ZNF653: variants seen among roughly 807,000 people sequenced by gnomAD.
The protein encoded by ZNF653 is zinc finger protein 653.
Under a neutral mutation model 59.9 loss-of-function variants are expected in ZNF653, and 37 were observed. That is an observed-to-expected ratio of 0.62 (90% CI 0.48 to 0.81). ZNF653 has a LOEUF of 0.81. Ranked by LOEUF, ZNF653 falls within the 40% of genes least tolerant of loss-of-function variation. ZNF653 has a pLI of 0.00. For missense variants in ZNF653, 808 were observed against 881.1 expected (o/e 0.92, Z 1.05); for synonymous variants, 435 against 371.8 (o/e 1.17, Z -1.96).
At position 11,487,027 on chromosome 19, in the gene ZNF653, T is replaced by C. The variant is rs777703595; in HGVS notation, c.1303A>G (p.Met435Val). 1.1e-5 allele frequency: 18 copies of C among 1,614,006 alleles called. No individual in the cohort carries two copies. The highest frequency in any genetic ancestry group is 1.3e-5 in the Non-Finnish European group (15 of 1,179,990). ...ADGEELDGSD[M>V]SAIIYEIPKE... ...GGGATTTCATAGATGATGGCTGACATGTCGCTGCCGTCCAGCTCCTCCCCG... is the reference window on the plus strand; with the variant it reads ...GGGATTTCATAGATGATGGCTGACACGTCGCTGCCGTCCAGCTCCTCCCCG... The change falls in exon 5 of 9, where the codon ATG becomes GTG. Residue 435 changes from methionine (M) to valine (V), a missense_variant. Physicochemically the swap from Met to Val is conservative, Grantham distance 21 (BLOSUM62 1). Coordinates refer to ENST00000293771, the MANE Select transcript of ZNF653 (RefSeq NM_138783.4). The surrounding 1 kb of genome is among the most constrained non-coding windows in gnomAD (Gnocchi z 5.1).
At chr19:11,489,929 T>C (rs756298617) in intron 3 of ZNF653, among the ~76,000 whole-genome samples, 13 of 152,186 alleles carry the variant, frequency 8.5e-5, no homozygotes, top group African/African-American at 1.7e-4. Flanking sequence ...CCCAGGCTAA[T>C]GGGGTTAAAG....
At position 11,505,531 on chromosome 19, in the gene ZNF653, A is replaced by G. The variant is rs756705153; in HGVS notation, c.256T>C (p.Tyr86His). The G allele has an allele frequency of 2.2e-4, 335 of 1,515,320 alleles. No individual in the cohort carries two copies. The highest frequency in any genetic ancestry group is 2.8e-4 in the Non-Finnish European group (322 of 1,143,774). The allele number at this position is 1,515,320 out of a possible 1,614,324, so 93.9% of individuals were successfully genotyped here. ...TGGCCGCGCTCCAGAGAGATGAGGT[A>G]GGCGGCGAGCTTGGCGTCGCTCCAG... is the stretch of plus-strand genomic sequence containing the variant. ...SGWSDAKLAA[Y>H]LISLERGQRS... The change falls in exon 1 of 9, where the codon TAC (tyrosine) becomes CAC (histidine). Residue 86 changes from tyrosine (Y) to histidine (H), a missense_variant. Physicochemically the swap from Tyr to His is moderately conservative, Grantham distance 83. Transcript: ENST00000293771.
In ZNF653 at chr19:11,498,674, C is replaced by T. The variant is rs551983859; in HGVS notation, c.300-335G>A. Among the ~76,000 whole-genome samples, 11 of 152,206 alleles carry T rather than the reference C, an allele frequency of 7.2e-5. No individual in the cohort carries two copies. In the South Asian group the frequency reaches 2.3e-3, roughly 32 times the overall value. ...GGCCAGGCTGGTCTCGAACTCCTGA[C>T]CTCAGGTGATCCGCCCACCTCAGCC... On this transcript the variant is annotated intron_variant, in intron 1 of 8. Transcript: ENST00000293771.
At chr19:11,496,502 G>A (rs7508575) in intron 2 of ZNF653, among the ~76,000 whole-genome samples, 12,142 of 152,076 alleles carry the variant, frequency 0.08, 787 homozygotes, top group African/African-American at 0.18. Context: ...CCAGGCTCCC[G>A]CCCTAACCAC....
rs752413444 is a variant in ZNF653 at position 11,496,086 on chromosome 19, C to T, written c.423G>A (p.Pro141=). Residue 141 remains proline (P), a synonymous_variant, in exon 3 of 9, where the codon CCG becomes CCA. Transcript: ENST00000293771. Reference sequence around the variant, plus strand: ...AAGTGGGGTCTAGCTCCGCCAGGTGCGGCTCGTACGGGCAGCGGTGCTTGT... The same window carrying T: ...AAGTGGGGTCTAGCTCCGCCAGGTGTGGCTCGTACGGGCAGCGGTGCTTGT... ...EDHKHRCPYE[P]HLAELDPTFG... is the part of the protein sequence containing the mutation. The T allele has an allele frequency of 3.1e-6, 5 of 1,613,992 alleles. No individual in the cohort carries two copies. Among genetic ancestry groups the T allele is most frequent in the Non-Finnish European group, 2.5e-6 (3 of 1,180,020 alleles).
Position 11,486,856 on chromosome 19 carries a change from C to A in ZNF653, c.1368G>T (p.Arg456=). ...PEKRRRSKRS[R]VMDADGLLEM... is the part of the protein sequence containing the mutation. ...CGAGCAGGCCGTCAGCATCCATCACCCGCGACCGCTTGCTCCGCCGCCTCC... is the reference window on the plus strand; with the variant it reads ...CGAGCAGGCCGTCAGCATCCATCACACGCGACCGCTTGCTCCGCCGCCTCC... Residue 456 remains arginine (R), a synonymous_variant, in exon 6 of 9, where the codon CGG becomes CGT. Coordinates refer to ENST00000293771, the MANE Select transcript of ZNF653 (RefSeq NM_138783.4). 1 of 1,611,442 alleles carries A rather than the reference C, an allele frequency of 6.2e-7. No individual in the cohort carries two copies. The highest frequency in any genetic ancestry group is 2.2e-5 in the East Asian group (1 of 44,620).
chr19:11,503,477 G>T (rs1971668495), intron 1 of ZNF653, among the ~76,000 whole-genome samples: 1 of 152,096 alleles, frequency 6.6e-6, no homozygotes, highest in South Asian at 2.1e-4. Flanking sequence ...TATCTCTCAT[G>T]GACGATACAA....
In ZNF653 at chr19:11,483,826, G is replaced by C; in HGVS notation, c.1704C>G (p.Arg568=). ...TCTTCATGTGCCAGTTGAGCGACGC[G>C]CGCTGCCGGCACTGGTAGCCACAGA... is the stretch of plus-strand genomic sequence containing the variant. ...CEICGYQCRQ[R]ASLNWHMKKH... is the part of the protein sequence containing the mutation. The change falls in exon 9 of 9, where the codon CGC becomes CGG. Residue 568 remains arginine, a synonymous_variant. Coordinates refer to ENST00000293771, the MANE Select transcript of ZNF653 (RefSeq NM_138783.4). 2.5e-6 allele frequency: 4 copies of C among 1,605,910 alleles called. No individual in the cohort carries two copies. Among genetic ancestry groups the C allele is most frequent in the Non-Finnish European group, 3.4e-6 (4 of 1,177,386 alleles).
At chr19:11,504,004 C>G (rs1461169866) in intron 1 of ZNF653, among the ~76,000 whole-genome samples, 1 of 152,056 alleles carries the variant, frequency 6.6e-6, no homozygotes, top group Admixed American at 6.6e-5. Flanking sequence ...ACTCAGGAGG[C>G]GGAGGTAAGA....
rs373903409 is a variant in ZNF653 at position 11,483,516 on chromosome 19, G to A, written c.*166C>T. 18 of 1,402,830 alleles carry A rather than the reference G, an allele frequency of 1.3e-5. No homozygotes were observed. The highest frequency in any genetic ancestry group is 1.1e-4 in the East Asian group (4 of 36,764). 86.9% of individuals were successfully genotyped at this position (1,402,830 alleles called of 1,614,324 possible). ...GCACCAGCTCCGAGAAGGATGCGGT[G>A]GGGCGGGGTGGGGAACCTGCCCAGG... On this transcript the variant is annotated 3_prime_UTR_variant, in exon 9 of 9. Transcript: ENST00000293771.
rs550180667 is a variant in ZNF653 at position 11,488,439 on chromosome 19, C to T, written c.560-536G>A. ...ACAGGTGTGAGCCACCGCGCCTGGCCCACACCCGGCTAATTTTTGTATTTT... is the reference window on the plus strand; with the variant it reads ...ACAGGTGTGAGCCACCGCGCCTGGCTCACACCCGGCTAATTTTTGTATTTT... On this transcript the variant is annotated intron_variant, in intron 3 of 8. Coordinates refer to ENST00000293771, the MANE Select transcript of ZNF653 (RefSeq NM_138783.4). 4.6e-5 allele frequency among the ~76,000 whole-genome samples: 7 copies of T among 151,558 alleles called. No individual in the cohort carries two copies. The East Asian group carries it at 1.4e-3, about 30-fold the overall frequency.
chr19:11,500,525 G>C (rs1370821001), intron 1 of ZNF653, among the ~76,000 whole-genome samples: 1 of 152,146 alleles, frequency 6.6e-6, no homozygotes, highest in East Asian at 1.9e-4. Flanking sequence ...GTAGAGACAG[G>C]ATTTCGCTAT....
At chr19:11,491,814 T>C (rs1433293892) in intron 3 of ZNF653, among the ~76,000 whole-genome samples, 1 of 151,976 alleles carries the variant, frequency 6.6e-6, no homozygotes. Context: ...CCTGACCTCA[T>C]GATCCGCCCA....
In ZNF653 at chr19:11,487,128, T is replaced by C. The variant is rs746859617; in HGVS notation, c.1202A>G (p.Glu401Gly). The change falls in exon 5 of 9, where the codon GAG (glutamate) becomes GGG (glycine). Residue 401 changes from glutamate to glycine, a missense_variant. Transcript: ENST00000293771. This position sits in a 1 kb window ranked among gnomAD's most constrained non-coding sequence, Gnocchi z 5.1. Reference sequence around the variant, plus strand: ...CGGGGCTACTGGCTCCTCCTTCTCCTCCTTCTTTAGCAAGCACAGGTCCTC... The same window carrying C: ...CGGGGCTACTGGCTCCTCCTTCTCCCCCTTCTTTAGCAAGCACAGGTCCTC... The part of the protein sequence containing the change: ...EKEDLCLLKK[E>G]EKEEPVAPEL... 2 of 1,612,682 alleles carry C rather than the reference T, an allele frequency of 1.2e-6. No homozygotes were observed. Among genetic ancestry groups the C allele is most frequent in the Admixed American group, 3.3e-5 (2 of 60,022 alleles).
chr19:11,503,632 C>A (rs916291773), intron 1 of ZNF653, among the ~76,000 whole-genome samples: 3 of 151,632 alleles, frequency 2.0e-5, no homozygotes, highest in Non-Finnish European at 4.4e-5. Context: ...CATGGCGAGA[C>A]CCCCATCTCC....
rs1458585640 is a variant in ZNF653 at position 11,501,025 on chromosome 19, G to A, written c.300-2686C>T. 2.6e-5 allele frequency among the ~76,000 whole-genome samples: 4 copies of A among 152,098 alleles called. No homozygotes were observed. The South Asian group carries it at 8.3e-4, about 32-fold the overall frequency. On this transcript the variant is annotated intron_variant, in intron 1 of 8. Coordinates refer to ENST00000293771, the MANE Select transcript of ZNF653 (RefSeq NM_138783.4). ...CACTGGCATCAAGGACCACAGCTCC[G>A]GGGCTACTCAGGCCCTGGCTTGGCT...
intron 1 of ZNF653, among the ~76,000 whole-genome samples, chr19:11,499,477 G>GT (rs1310533755): frequency 1.2e-3 from 183 of 152,078 alleles, no homozygotes; most frequent in Middle Eastern, 0.01. Context: ...CAAGACAGTG[G>GT]GTACTGTCTG....
In ZNF653 at chr19:11,495,750, C is replaced by T; in HGVS notation, c.559+200G>A. The T allele has an allele frequency of 1.7e-6, 1 of 596,632 alleles. No individual in the cohort carries two copies. 37.0% of individuals were successfully genotyped at this position (596,632 alleles called of 1,614,324 possible). A position where few individuals can be genotyped will look rare whatever the true frequency, so the allele number is the denominator to read the frequency against. On this transcript the variant is annotated intron_variant, in intron 3 of 8. Coordinates refer to ENST00000293771, the MANE Select transcript of ZNF653 (RefSeq NM_138783.4). This position sits in a 1 kb window ranked among gnomAD's most constrained non-coding sequence, Gnocchi z 4.9. ...GCTCCATAAAGAGGGACTGCCTCCC[C>T]ACTCAAGCTCTGTAAGGACGCAAAG...
chr19:11,483,945 G>C (rs948312705), intron 8 of ZNF653, 86 bp from the exon 9 acceptor site: 18 of 1,517,898 alleles, frequency 1.2e-5, no homozygotes, highest in Admixed American at 5.9e-5. Context: ...AGGTGGAACC[G>C]GGCCCAGACA....
Sources: allele counts gnomAD v4.1 joint callset (sites outside exome capture counted in the v4.1 genomes callset), GRCh38; gene constraint gnomAD v4.1.1; non-coding constraint Gnocchi (gnomAD v3.1); transcripts MANE v1.5; gene names NCBI Gene and HGNC (gene_info 2026-07-23, HGNC 2026-07-21).